The following AOPEP variants were observed in gnomAD, a reference collection of about 807,000 sequenced individuals.
The protein encoded by AOPEP is aminopeptidase O.
Under a neutral mutation model 98.1 loss-of-function variants are expected in AOPEP, and 77 were observed. The ratio of observed to expected loss-of-function variants is 0.78; its 90% CI spans 0.65 to 0.95. The LOEUF is 0.95. Among genes scored for constraint, AOPEP ranks in the 40% least tolerant of loss-of-function variants. The pLI is 0.00. For synonymous variants in AOPEP, 346 were observed against 365.3 expected, an observed-to-expected ratio of 0.95 and a Z score of 0.60; for missense variants, 1,024 against 1,024.7, an observed-to-expected ratio of 1.00 and a Z score of 0.01.
At chr9:95,101,791 G>C in the AOPEP span, 1 of 1,614,140 alleles carries the variant, frequency 6.2e-7, no homozygotes, top group Non-Finnish European at 8.5e-7. Flanking sequence ...GATTCCATCT[G>C]TACAAGGTCT....
At chr9:94,840,056 C>T (rs2042101537) in intron 5 of AOPEP, among the ~76,000 whole-genome samples, 1 of 152,188 alleles carries the variant, frequency 6.6e-6, no homozygotes, top group Non-Finnish European at 1.5e-5. Flanking sequence ...GTGTGAGCCA[C>T]CTCGTCTGGC....
intron 5 of AOPEP, among the ~76,000 whole-genome samples, chr9:94,913,978 G>A (rs948554603): frequency 5.9e-5 from 9 of 152,216 alleles, no homozygotes; most frequent in African/African-American, 2.2e-4. Context: ...AGAAGTTTGT[G>A]TCTTTGCCCT....
chr9:95,063,376 C>T (rs2067506454), intron 14 of AOPEP, among the ~76,000 whole-genome samples: 2 of 152,166 alleles, frequency 1.3e-5, no homozygotes, highest in South Asian at 4.1e-4. Flanking sequence ...CTCTTTCCCC[C>T]AGGAAGTCCA....
At chr9:94,795,840 C>G (rs1846807855) in intron 4 of AOPEP, among the ~76,000 whole-genome samples, 1 of 152,174 alleles carries the variant, frequency 6.6e-6, no homozygotes, top group Non-Finnish European at 1.5e-5. Flanking sequence ...AAGTACAACT[C>G]CTCTCTTGTC....
chr9:94,975,065 A>G (rs937047328), intron 10 of AOPEP, among the ~76,000 whole-genome samples: 1 of 152,154 alleles, frequency 6.6e-6, no homozygotes, highest in Admixed American at 6.5e-5. Flanking sequence ...CCCCGTCTCT[A>G]TAAAAAATTT....
intron 5 of AOPEP, among the ~76,000 whole-genome samples, chr9:94,859,555 C>T (rs2044672308): frequency 1.3e-5 from 2 of 152,188 alleles, no homozygotes; most frequent in Non-Finnish European, 1.5e-5. Context: ...AGGTAACATT[C>T]ACAGTTCCAG....
intron 14 of AOPEP, among the ~76,000 whole-genome samples, chr9:95,066,818 T>C (rs918646428): frequency 6.6e-6 from 1 of 152,182 alleles, no homozygotes; most frequent in Non-Finnish European, 1.5e-5. Flanking sequence ...GCATCTCATA[T>C]TCATTGTGTG....
chr9:95,002,143 A>C (rs1391518680), intron 11 of AOPEP, among the ~76,000 whole-genome samples: 1 of 152,142 alleles, frequency 6.6e-6, no homozygotes, highest in Non-Finnish European at 1.5e-5. Flanking sequence ...AAAAATGTAA[A>C]ATTCTAGCCT....
chr9:95,061,876 G>A (rs2067345985), intron 14 of AOPEP, among the ~76,000 whole-genome samples: 1 of 152,164 alleles, frequency 6.6e-6, no homozygotes, highest in South Asian at 2.1e-4. Flanking sequence ...GTTTATTTCA[G>A]CTCTTATATT....
intron 10 of AOPEP, 111 bp from the exon 11 acceptor site, chr9:94,979,256 G>T (rs1401782649): frequency 8.8e-6 from 6 of 681,944 alleles, no homozygotes; most frequent in African/African-American, 3.5e-5. Context: ...TAAAGCACGG[G>T]CACTTCTGGA....
intron 11 of AOPEP, among the ~76,000 whole-genome samples, chr9:94,989,067 G>A (rs1437480506): frequency 6.6e-6 from 1 of 151,374 alleles, no homozygotes; most frequent in South Asian, 2.1e-4. Context: ...ACAGGTGCAC[G>A]ACACCACACT....
Position 95,060,423 on chromosome 9 carries a change from G to T in AOPEP, c.2116-271G>T, listed in dbSNP as rs1292172771. ...CCACGATAATGTTTTATTAAGATAA[G>T]CACAGTTTTGATCTGCTCTAAGTAT... On this transcript the variant is annotated intron_variant, in intron 13 of 16. Transcript: ENST00000375315. 5.3e-5 allele frequency among the ~76,000 whole-genome samples: 8 copies of T among 152,212 alleles called. No homozygotes were observed. In the East Asian group the frequency reaches 1.5e-3, roughly 29 times the overall value.
rs191202790 is a variant in AOPEP, at chr9:94,877,612, G to C, written c.1365-46374G>C. ...ACTTTTGTATTTTTAGTAGAGACAG[G>C]GTTTCACCATGTTGGCCAGGCTGGT... On this transcript the variant is annotated intron_variant, in intron 5 of 16. Transcript: ENST00000375315. Among the ~76,000 whole-genome samples, 303 of 151,946 alleles carry C rather than the reference G, an allele frequency of 2.0e-3. No homozygotes were observed. In the Middle Eastern group the frequency reaches 0.024, roughly 12 times the overall value.
In AOPEP at chr9:94,751,347, G is replaced by A. The variant is rs537909333; in HGVS notation, c.-135-8302G>A. On this transcript the variant is annotated intron_variant, in intron 1 of 16. Transcript: ENST00000375315. ...GAAGTGGTACTCCCTTTCATTTAAGGAGAGGGCAGAATTATATTAATTAAA... is the reference window on the plus strand; with the variant it reads ...GAAGTGGTACTCCCTTTCATTTAAGAAGAGGGCAGAATTATATTAATTAAA... Among the ~76,000 whole-genome samples, 5 of 152,278 alleles carry A rather than the reference G, an allele frequency of 3.3e-5. 1 individual carries two copies. In the South Asian group the frequency reaches 1.0e-3, roughly 32 times the overall value.
At chr9:94,834,249 G>A (rs900488812) in intron 5 of AOPEP, among the ~76,000 whole-genome samples, 19 of 152,176 alleles carry the variant, frequency 1.2e-4, no homozygotes, top group African/African-American at 3.6e-4. Context: ...GATAAACAAC[G>A]TGGTTTCTTC....
intron 10 of AOPEP, among the ~76,000 whole-genome samples, chr9:94,975,310 T>C (rs534758530): frequency 1.3e-5 from 2 of 152,322 alleles, no homozygotes; most frequent in East Asian, 1.9e-4. Flanking sequence ...TAGATGATAC[T>C]CTGTCTATTG....
chr9:94,901,289 T>A (rs1038170850), intron 5 of AOPEP, among the ~76,000 whole-genome samples: 1 of 152,196 alleles, frequency 6.6e-6, no homozygotes, highest in African/African-American at 2.4e-5. Context: ...AAGAATCGAT[T>A]GCTTCTTCCT....
At chr9:94,837,340 G>C (rs865915576) in intron 5 of AOPEP, among the ~76,000 whole-genome samples, 1 of 152,138 alleles carries the variant, frequency 6.6e-6, no homozygotes, top group African/African-American at 2.4e-5. Flanking sequence ...AGAAGAATTG[G>C]TACCAATCCT....
intron 13 of AOPEP, among the ~76,000 whole-genome samples, chr9:95,023,903 A>C (rs749682625): frequency 1.1e-4 from 17 of 152,228 alleles, no homozygotes; most frequent in Non-Finnish European, 1.9e-4. Flanking sequence ...TTGCTTATGT[A>C]GTCAAGGATC....
Sources: allele counts gnomAD v4.1 joint callset (sites outside exome capture counted in the v4.1 genomes callset), GRCh38; gene constraint gnomAD v4.1.1; transcripts MANE v1.5; gene names NCBI Gene and HGNC (gene_info 2026-07-23, HGNC 2026-07-21).